The following ZCCHC3 variants were observed in gnomAD, a reference collection of about 807,000 sequenced individuals.
ZCCHC3 encodes the protein zinc finger CCHC domain-containing protein 3.
ZCCHC3 carries 20 observed loss-of-function variants against 18.4 expected under a neutral mutation model. The ratio of observed to expected loss-of-function variants is 1.09; its 90% CI spans 0.76 to 1.58. The LOEUF is 1.58. Ranked by LOEUF, ZCCHC3 falls within the 40% of genes most tolerant of loss-of-function variation. The probability of loss-of-function intolerance (pLI) is 0.00; values close to 1 mark genes in which losing one functional copy is unlikely to be tolerated. For synonymous variants in ZCCHC3, 310 were observed against 232.7 expected, an observed-to-expected ratio of 1.33 and a Z score of -3.02; for missense variants, 548 against 511.2, an observed-to-expected ratio of 1.07 and a Z score of -0.69.
rs772120960 is a variant in ZCCHC3 at position 298,030 on chromosome 20, G to A, written c.444G>A (p.Arg148=). 6.9e-7 allele frequency: 1 copy of A among 1,453,304 alleles called. No homozygotes were observed. The highest frequency in any genetic ancestry group is 9.0e-7 in the Non-Finnish European group (1 of 1,107,872). 90.0% of individuals were successfully genotyped at this position (1,453,304 alleles called of 1,614,324 possible). A position where few individuals can be genotyped will look rare whatever the true frequency, so the allele number is the denominator to read the frequency against. The change falls in exon 1 of 1, where the codon CGG becomes CGA. Residue 148 remains arginine (R), a synonymous_variant. Transcript: ENST00000500893. ...GCGAGGCCGAGGACGCGGCCGAGCG[G>A]CCCCTCCAGGATGAGCCGGCGGCGG... ...RPGEAEDAAE[R]PLQDEPAAAA...
Position 298,204 on chromosome 20 carries a change from C to G in ZCCHC3, c.618C>G (p.Ile206Met). ...GCGACATCTACGCGGTCATCCAGATCCCGGGCAGCCGCGAATTCGACGTGA... is the reference window on the plus strand; with the variant it reads ...GCGACATCTACGCGGTCATCCAGATGCCGGGCAGCCGCGAATTCGACGTGA... ...DPSDIYAVIQIPGSREFDVSF... is the reference protein window; with the variant it reads ...DPSDIYAVIQMPGSREFDVSF... The change falls in exon 1 of 1, where the codon ATC becomes ATG. Residue 206 changes from isoleucine to methionine, a missense_variant. Ile to Met is a conservative substitution (Grantham distance 10). Transcript: ENST00000500893. The G allele has an allele frequency of 7.8e-7, 1 of 1,282,494 alleles. No homozygotes were observed. The highest frequency in any genetic ancestry group is 1.1e-6 in the Non-Finnish European group (1 of 876,884). 79.4% of individuals were successfully genotyped at this position (1,282,494 alleles called of 1,614,324 possible). A position where few individuals can be genotyped will look rare whatever the true frequency, so the allele number is the denominator to read the frequency against.
chr20:298,319 C>T lies in ZCCHC3; in HGVS notation c.733C>T (p.Leu245=). Residue 245 remains leucine, a synonymous_variant, in exon 1 of 1, where the codon CTG becomes TTG. Transcript: ENST00000500893. The part of the protein sequence containing the change: ...QEDCWENFVV[L]GRSKSSLKTL... ...GGACTGCTGGGAGAACTTTGTGGTGCTGGGGCGGAGCAAGTCCAGCTTGAA... is the reference window on the plus strand; with the variant it reads ...GGACTGCTGGGAGAACTTTGTGGTGTTGGGGCGGAGCAAGTCCAGCTTGAA... The T allele has an allele frequency of 1.3e-6, 1 of 791,354 alleles. No individual in the cohort carries two copies. Among genetic ancestry groups the T allele is most frequent in the South Asian group, 1.3e-5 (1 of 74,790 alleles). The allele number at this position is 791,354 out of a possible 1,614,324, so 49.0% of individuals were successfully genotyped here.
Position 298,896 on chromosome 20 carries a change from T to A in ZCCHC3, c.*98T>A. Reference sequence around the variant, plus strand: ...CATTTTTTATCGTTTTTGAAGGAGATCTTTTTAAAACCTACAAGAGACATC... The same window carrying A: ...CATTTTTTATCGTTTTTGAAGGAGAACTTTTTAAAACCTACAAGAGACATC... On this transcript the variant is annotated 3_prime_UTR_variant, in exon 1 of 1. Transcript: ENST00000500893. The A allele has an allele frequency of 7.3e-7, 1 of 1,369,468 alleles. No individual in the cohort carries two copies. The highest frequency in any genetic ancestry group is 1.5e-5 in the African/African-American group (1 of 67,974). The allele number at this position is 1,369,468 out of a possible 1,614,324, so 84.8% of individuals were successfully genotyped here.
rs528174354 is a variant in ZCCHC3, at chr20:299,053, G to T, written c.*255G>T. On this transcript the variant is annotated 3_prime_UTR_variant, in exon 1 of 1. Transcript: ENST00000500893. ...CCCTCCCTTTTAAAATTTTATTTTC[G>T]TTTTTCTATTGGGTATTTGTTTTGT... 1.0e-4 allele frequency: 38 copies of T among 380,998 alleles called. No individual in the cohort carries two copies. The highest frequency in any genetic ancestry group is 7.5e-4 in the African/African-American group (36 of 48,070). 23.6% of individuals were successfully genotyped at this position (380,998 alleles called of 1,614,324 possible). A position where few individuals can be genotyped will look rare whatever the true frequency, so the allele number is the denominator to read the frequency against.
rs373137452 is a variant in ZCCHC3 at position 298,108 on chromosome 20, C to T, written c.522C>T (p.Asp174=). The change falls in exon 1 of 1, where the codon GAC becomes GAT. Residue 174 remains aspartate, a synonymous_variant. Transcript: ENST00000500893. The part of the protein sequence containing the change: ...RFLVRICFQG[D]EGACPTRDFV... Reference sequence around the variant, plus strand: ...TCGTCCGCATCTGTTTCCAGGGAGACGAGGGCGCCTGCCCGACCCGGGACT... The same window carrying T: ...TCGTCCGCATCTGTTTCCAGGGAGATGAGGGCGCCTGCCCGACCCGGGACT... The T allele has an allele frequency of 7.5e-6, 12 of 1,597,644 alleles. No individual in the cohort carries two copies. In the African/African-American group the frequency reaches 1.6e-4, roughly 21 times the overall value.
At position 298,553 on chromosome 20, in the gene ZCCHC3, AG is replaced by A; in HGVS notation, c.971del (p.Gly324AlafsTer21). The A allele has an allele frequency of 1.3e-6, 1 of 764,294 alleles. No homozygotes were observed. Among genetic ancestry groups the A allele is most frequent in the Non-Finnish European group, 2.4e-6 (1 of 416,268 alleles). The allele number at this position is 764,294 out of a possible 1,614,324, so 47.3% of individuals were successfully genotyped here. On this transcript the variant is annotated frameshift_variant, in exon 1 of 1. Transcript: ENST00000500893. LOFTEE classifies it high-confidence loss of function. ...LPGAFFLGAE[R>X]GYSWYKGQPK... ...AGGGGCCTTCTTCCTGGGGGCCGAG[AG>A]GGGCTACAGCTGGTACAAGGGGCAG... is the stretch of plus-strand genomic sequence containing the variant.
In ZCCHC3 at chr20:297,836, C is replaced by T. The variant is rs2012667505; in HGVS notation, c.250C>T (p.Pro84Ser). 2 of 1,253,538 alleles carry T rather than the reference C, an allele frequency of 1.6e-6. No individual in the cohort carries two copies. The highest frequency in any genetic ancestry group is 8.6e-5 in the Admixed American group (2 of 23,196). The allele number at this position is 1,253,538 out of a possible 1,614,324, so 77.7% of individuals were successfully genotyped here. A position where few individuals can be genotyped will look rare whatever the true frequency, so the allele number is the denominator to read the frequency against. ...CGGCGGCCCCGCGGGCCTGGCGGCG[C>T]CGGACCTCGGCGACTTCCCACCGGC... ...GLGGPAGLAA[P>S]DLGDFPPAGR... Residue 84 changes from proline (P) to serine (S), a missense_variant, in exon 1 of 1, where the codon CCG becomes TCG. By Grantham distance (74) the Pro-to-Ser change is moderately conservative. Transcript: ENST00000500893.
chr20:298,286 G>C lies in ZCCHC3; in HGVS notation c.700G>C (p.Glu234Gln), dbSNP rs773751436. 3.6e-6 allele frequency: 3 copies of C among 829,654 alleles called. No homozygotes were observed. The highest frequency in any genetic ancestry group is 2.2e-4 in the Middle Eastern group (1 of 4,538). The allele number at this position is 829,654 out of a possible 1,614,324, so 51.4% of individuals were successfully genotyped here. The change falls in exon 1 of 1, where the codon GAG becomes CAG. Residue 234 changes from glutamate to glutamine, a missense_variant. Transcript: ENST00000500893. ...LFLRVYEEKR[E>Q]QEDCWENFVV... is the part of the protein sequence containing the mutation. ...CCTACGCGTCTACGAGGAGAAGCGGGAGCAGGAGGACTGCTGGGAGAACTT... is the reference window on the plus strand; with the variant it reads ...CCTACGCGTCTACGAGGAGAAGCGGCAGCAGGAGGACTGCTGGGAGAACTT...
Position 297,875 on chromosome 20 carries a change from C to G in ZCCHC3, c.289C>G (p.Pro97Ala), listed in dbSNP as rs1440435363. The change falls in exon 1 of 1, where the codon CCG becomes GCG. Residue 97 changes from proline to alanine, a missense_variant. Coordinates refer to ENST00000500893, the MANE Select transcript of ZCCHC3 (RefSeq NM_033089.7). ...CTTCCCACCGGCTGGCCGCGGGGAT[C>G]CGAAGGGCCGTCGGAGAGATCCGGC... ...GDFPPAGRGDPKGRRRDPAGE... is the reference protein window; with the variant it reads ...GDFPPAGRGDAKGRRRDPAGE... 42 of 1,247,536 alleles carry G rather than the reference C, an allele frequency of 3.4e-5. No homozygotes were observed. Among genetic ancestry groups the G allele is most frequent in the Middle Eastern group, 3.0e-4 (1 of 3,352 alleles). 77.3% of individuals were successfully genotyped at this position (1,247,536 alleles called of 1,614,324 possible). A position where few individuals can be genotyped will look rare whatever the true frequency, so the allele number is the denominator to read the frequency against.
In ZCCHC3 at chr20:299,453, TCTTTTGGTGGCTCAGAAGC is replaced by T. The variant is rs2012709847; in HGVS notation, c.*657_*675del. ...AAAGATGCATGGACTTCATGACAGCTCTTTTGGTGGCTCAGAAGCCATTTTTTATAGAATCATGGAATCT... is the reference window on the plus strand; with the variant it reads ...AAAGATGCATGGACTTCATGACAGCTCATTTTTTATAGAATCATGGAATCT... On this transcript the variant is annotated 3_prime_UTR_variant, in exon 1 of 1. Coordinates refer to ENST00000500893, the MANE Select transcript of ZCCHC3 (RefSeq NM_033089.7). 6.0e-6 allele frequency: 1 copy of T among 167,112 alleles called. No individual in the cohort carries two copies. Among genetic ancestry groups the T allele is most frequent in the Non-Finnish European group, 1.5e-5 (1 of 68,124 alleles). 10.4% of individuals were successfully genotyped at this position (167,112 alleles called of 1,614,324 possible). A position where few individuals can be genotyped will look rare whatever the true frequency, so the allele number is the denominator to read the frequency against.
chr20:298,979 T>G lies in ZCCHC3; in HGVS notation c.*181T>G. 1 of 525,874 alleles carries G rather than the reference T, an allele frequency of 1.9e-6. No individual in the cohort carries two copies. Among genetic ancestry groups the G allele is most frequent in the Non-Finnish European group, 3.1e-6 (1 of 318,132 alleles). The allele number at this position is 525,874 out of a possible 1,614,324, so 32.6% of individuals were successfully genotyped here. On this transcript the variant is annotated 3_prime_UTR_variant, in exon 1 of 1. Transcript: ENST00000500893. ...TTTCAGCCTGTTCTGAATTGGTGACTCTGTCACCAATAACGACTGCGGAGA... is the reference window on the plus strand; with the variant it reads ...TTTCAGCCTGTTCTGAATTGGTGACGCTGTCACCAATAACGACTGCGGAGA...
chr20:297,881 G>A lies in ZCCHC3; in HGVS notation c.295G>A (p.Gly99Ser), dbSNP rs1325435225. The change falls in exon 1 of 1, where the codon GGC becomes AGC. Residue 99 changes from glycine (G) to serine (S), a missense_variant. Coordinates refer to ENST00000500893, the MANE Select transcript of ZCCHC3 (RefSeq NM_033089.7). ...FPPAGRGDPKGRRRDPAGEAV... is the reference protein window; with the variant it reads ...FPPAGRGDPKSRRRDPAGEAV... ...ACCGGCTGGCCGCGGGGATCCGAAG[G>A]GCCGTCGGAGAGATCCGGCCGGCGA... The A allele has an allele frequency of 2.4e-6, 3 of 1,246,114 alleles. No homozygotes were observed. The highest frequency in any genetic ancestry group is 8.6e-5 in the Admixed American group (2 of 23,236). The allele number at this position is 1,246,114 out of a possible 1,614,324, so 77.2% of individuals were successfully genotyped here.
rs368772077 is a variant in ZCCHC3 at position 298,531 on chromosome 20, G to C, written c.945G>C (p.Gly315=). The C allele has an allele frequency of 1.5e-5, 11 of 753,036 alleles. No individual in the cohort carries two copies. The African/African-American group carries it at 1.7e-4, about 12-fold the overall frequency. The allele number at this position is 753,036 out of a possible 1,614,324, so 46.6% of individuals were successfully genotyped here. A position where few individuals can be genotyped will look rare whatever the true frequency, so the allele number is the denominator to read the frequency against. ...AGGGCGGGGTCAGGCACTTGCCAGGGGCCTTCTTCCTGGGGGCCGAGAGGG... is the reference window on the plus strand; with the variant it reads ...AGGGCGGGGTCAGGCACTTGCCAGGCGCCTTCTTCCTGGGGGCCGAGAGGG... The part of the protein sequence containing the change: ...QGEGGVRHLP[G]AFFLGAERGY... The change falls in exon 1 of 1, where the codon GGG becomes GGC. Residue 315 remains glycine (G), a synonymous_variant. Transcript: ENST00000500893.
rs1363148013 is a variant in ZCCHC3, at chr20:297,865, C to T, written c.279C>T (p.Gly93=). The T allele has an allele frequency of 3.0e-5, 38 of 1,245,914 alleles. No individual in the cohort carries two copies. In the South Asian group the frequency reaches 1.2e-3, roughly 39 times the overall value. The allele number at this position is 1,245,914 out of a possible 1,614,324, so 77.2% of individuals were successfully genotyped here. A position where few individuals can be genotyped will look rare whatever the true frequency, so the allele number is the denominator to read the frequency against. The change falls in exon 1 of 1, where the codon GGC becomes GGT. Residue 93 remains glycine (G), a synonymous_variant. Coordinates refer to ENST00000500893, the MANE Select transcript of ZCCHC3 (RefSeq NM_033089.7). ...ACCTCGGCGACTTCCCACCGGCTGG[C>T]CGCGGGGATCCGAAGGGCCGTCGGA... ...APDLGDFPPA[G]RGDPKGRRRD... is the part of the protein sequence containing the mutation.
In ZCCHC3 at chr20:300,013, AAT is replaced by A. The variant is rs1373338833; in HGVS notation, c.*1217_*1218del. The A allele has an allele frequency of 1.2e-5, 2 of 167,114 alleles. No individual in the cohort carries two copies. The highest frequency in any genetic ancestry group is 4.8e-5 in the African/African-American group (2 of 41,462). The allele number at this position is 167,114 out of a possible 1,614,324, so 10.4% of individuals were successfully genotyped here. ...AGGTTTACATTTGCACCTTAGCCTC[AAT>A]AGCTACGAACCCTAGAGAAGCAGCT... On this transcript the variant is annotated 3_prime_UTR_variant, in exon 1 of 1. Transcript: ENST00000500893.
In ZCCHC3 at chr20:298,108, C is replaced by G; in HGVS notation, c.522C>G (p.Asp174Glu). 6.3e-7 allele frequency: 1 copy of G among 1,597,762 alleles called. No homozygotes were observed. The change falls in exon 1 of 1, where the codon GAC (aspartate) becomes GAG (glutamate). Residue 174 changes from aspartate (D) to glutamate (E), a missense_variant. Coordinates refer to ENST00000500893, the MANE Select transcript of ZCCHC3 (RefSeq NM_033089.7). ...RFLVRICFQG[D>E]EGACPTRDFV... is the part of the protein sequence containing the mutation. ...TCGTCCGCATCTGTTTCCAGGGAGA[C>G]GAGGGCGCCTGCCCGACCCGGGACT...
Position 297,932 on chromosome 20 carries a change from G to A in ZCCHC3, c.346G>A (p.Gly116Ser). The A allele has an allele frequency of 7.9e-7, 1 of 1,271,688 alleles. No homozygotes were observed. Among genetic ancestry groups the A allele is most frequent in the Non-Finnish European group, 9.9e-7 (1 of 1,011,118 alleles). 78.8% of individuals were successfully genotyped at this position (1,271,688 alleles called of 1,614,324 possible). Residue 116 changes from glycine to serine, a missense_variant, in exon 1 of 1, where the codon GGC becomes AGC. Coordinates refer to ENST00000500893, the MANE Select transcript of ZCCHC3 (RefSeq NM_033089.7). ...GGCGGTGGACCCCCGCAAAAAGAAG[G>A]GCGCTGCGGAGGCGGGCAGGAGGAA... is the stretch of plus-strand genomic sequence containing the variant. ...GEAVDPRKKK[G>S]AAEAGRRKKA... is the part of the protein sequence containing the mutation.
chr20:297,646 C>T lies in ZCCHC3; in HGVS notation c.60C>T (p.Pro20=). 1.5e-6 allele frequency: 2 copies of T among 1,368,886 alleles called. No individual in the cohort carries two copies. Among genetic ancestry groups the T allele is most frequent in the Admixed American group, 3.9e-5 (1 of 25,752 alleles). The allele number at this position is 1,368,886 out of a possible 1,614,324, so 84.8% of individuals were successfully genotyped here. A position where few individuals can be genotyped will look rare whatever the true frequency, so the allele number is the denominator to read the frequency against. The change falls in exon 1 of 1, where the codon CCC becomes CCT. Residue 20 remains proline (P), a synonymous_variant. Transcript: ENST00000500893. The part of the protein sequence containing the change: ...ERKRGRPQLL[P]PARPAARGEE... ...AACGGGGGCGGCCGCAGCTTCTGCCCCCCGCGCGGCCCGCGGCCCGGGGCG... is the reference window on the plus strand; with the variant it reads ...AACGGGGGCGGCCGCAGCTTCTGCCTCCCGCGCGGCCCGCGGCCCGGGGCG...
Position 297,730 on chromosome 20 carries a change from C to G in ZCCHC3, c.144C>G (p.Ala48=), listed in dbSNP as rs1378987301. 5.6e-5 allele frequency: 77 copies of G among 1,377,010 alleles called. No homozygotes were observed. The highest frequency in any genetic ancestry group is 1.9e-5 in the Non-Finnish European group (20 of 1,060,908). The allele number at this position is 1,377,010 out of a possible 1,614,324, so 85.3% of individuals were successfully genotyped here. ...MGWAQVVKNL[A]EKKGEFREPR... ...GGGCCCAGGTGGTGAAGAATCTAGCCGAGAAGAAGGGCGAATTCCGCGAGC... is the reference window on the plus strand; with the variant it reads ...GGGCCCAGGTGGTGAAGAATCTAGCGGAGAAGAAGGGCGAATTCCGCGAGC... Residue 48 remains alanine, a synonymous_variant, in exon 1 of 1, where the codon GCC becomes GCG. Transcript: ENST00000500893.
Sources: gnomAD v4.1 joint callset for allele counts on GRCh38, gnomAD v4.1.1 for gene constraint, MANE v1.5 for transcripts, NCBI Gene and HGNC (gene_info 2026-07-23, HGNC 2026-07-21) for gene names.